PLA2R1: variants seen among roughly 807,000 people sequenced by gnomAD.
PLA2R1 encodes the protein phospholipase A2 receptor 1.
A neutral mutation model predicts 195.9 loss-of-function variants in PLA2R1; 158 were observed. That is an observed-to-expected ratio of 0.81 (90% CI 0.71 to 0.92). PLA2R1 has a LOEUF of 0.92. Among genes scored for constraint, PLA2R1 ranks in the 40% least tolerant of loss-of-function variants. PLA2R1 has a pLI of 0.00. For missense variants in PLA2R1, 1,626 were observed against 1,764.6 expected (o/e 0.92, Z 1.41); for synonymous variants, 586 against 598.2 (o/e 0.98, Z 0.30).
chr2:160,006,388 C>T (rs1301576993), intron 10 of PLA2R1, among the ~76,000 whole-genome samples: 4 of 152,190 alleles, frequency 2.6e-5, no homozygotes, highest in Non-Finnish European at 5.9e-5. Flanking sequence ...TCAGCTTATT[C>T]AAATGTGTTT....
chr2:159,944,625 G>T (rs1687270500), intron 28 of PLA2R1, among the ~76,000 whole-genome samples: 1 of 152,106 alleles, frequency 6.6e-6, no homozygotes. Context: ...AGTTCTATTT[G>T]CTTGAGGGAA....
At chr2:160,014,364 G>A (rs546221329) in intron 9 of PLA2R1, among the ~76,000 whole-genome samples, 24 of 151,734 alleles carry the variant, frequency 1.6e-4, no homozygotes, top group African/African-American at 5.3e-4. Flanking sequence ...TGGGAACAAC[G>A]AAGGGTGGCT....
rs776497352 is a variant in PLA2R1 at position 159,977,460 on chromosome 2, A to C, written c.2269-44T>G. ...ATTATTCCTTAATGATGATCCCCCC[A>C]CAAAGTTTCAAAAGATCAAAAAGGG... On this transcript the variant is annotated intron_variant, in intron 14 of 29. Transcript: ENST00000283243. The C allele has an allele frequency of 5.0e-6, 8 of 1,596,222 alleles. No individual in the cohort carries two copies. In the African/African-American group the frequency reaches 8.1e-5, roughly 16 times the overall value.
downstream of PLA2R1, among the ~76,000 whole-genome samples, chr2:159,930,711 C>A (rs7598738): frequency 0.6 from 91,696 of 152,028 alleles, 32,208 homozygotes; most frequent in Non-Finnish European, 0.78. Context: ...AATGATGTAT[C>A]CACCTCACCA....
chr2:159,945,993 C>A (rs1290509356), intron 27 of PLA2R1: 1 of 981,118 alleles, frequency 1.0e-6, no homozygotes, highest in Non-Finnish European at 1.2e-6. Flanking sequence ...GTCCTAACAT[C>A]TTCATCATTA....
At chr2:159,931,964 T>G (rs1223194587), downstream of PLA2R1, 2 of 152,230 alleles carry the variant, frequency 1.3e-5, no homozygotes, top group South Asian at 2.1e-4. Flanking sequence ...CCTGACCAAC[T>G]AAGTCAGATA....
chr2:159,927,474 C>T (rs1266611763), downstream of PLA2R1, among the ~76,000 whole-genome samples: 1 of 152,160 alleles, frequency 6.6e-6, no homozygotes, highest in Non-Finnish European at 1.5e-5. Flanking sequence ...TTCCTAAGAT[C>T]CATCAGTAAA....
chr2:160,050,714 G>A (rs1303978218), intron 1 of PLA2R1, among the ~76,000 whole-genome samples: 1 of 152,148 alleles, frequency 6.6e-6, no homozygotes, highest in Non-Finnish European at 1.5e-5. Context: ...TTCTCCCTGG[G>A]AATCCCTGAA....
chr2:160,005,717 G>A lies in PLA2R1; in HGVS notation c.1769C>T (p.Thr590Ile). ...GGGTTTCTGCCCTACTGGCTTCCAA[G>A]TGTATTCTCCCGTATCATTTTGGTC... is the stretch of plus-strand genomic sequence containing the variant. ...LQDQNDTGEY[T>I]WKPVGQKPEP... Residue 590 changes from threonine to isoleucine, a missense_variant, in exon 11 of 30, where the codon ACT (threonine) becomes ATT (isoleucine). By Grantham distance (89) the Thr-to-Ile change is moderately conservative. Transcript: ENST00000283243. 1.2e-6 allele frequency: 2 copies of A among 1,613,864 alleles called. No individual in the cohort carries two copies. Among genetic ancestry groups the A allele is most frequent in the Non-Finnish European group, 1.7e-6 (2 of 1,179,788 alleles).
intron 1 of PLA2R1, among the ~76,000 whole-genome samples, chr2:160,045,711 T>C (rs1456956441): frequency 6.6e-6 from 1 of 152,202 alleles, no homozygotes; most frequent in Non-Finnish European, 1.5e-5. Flanking sequence ...CAGAATACAA[T>C]GTTTCTCAGG....
chr2:159,929,760 A>G (rs6717742), downstream of PLA2R1, among the ~76,000 whole-genome samples: 7,924 of 152,196 alleles, frequency 0.052, 663 homozygotes, highest in African/African-American at 0.18. Flanking sequence ...CCAAATGCCC[A>G]TCAATCAATG....
rs1218330545 is a variant in PLA2R1 at position 159,976,110 on chromosome 2, A to G, written c.2553T>C (p.His851=). The change falls in exon 17 of 30, where the codon CAT becomes CAC. Residue 851 remains histidine, a synonymous_variant. Coordinates refer to ENST00000283243, the MANE Select transcript of PLA2R1 (RefSeq NM_007366.5). The part of the protein sequence containing the change: ...SWLHSDLLTI[H]SAHEQEFIHS... ...GGATGAATTCTTGCTCATGTGCAGA[A>G]TGAATTGTGAGAAGATCACTGTGCA... 6.2e-7 allele frequency: 1 copy of G among 1,613,322 alleles called. No individual in the cohort carries two copies. Among genetic ancestry groups the G allele is most frequent in the Non-Finnish European group, 8.5e-7 (1 of 1,179,482 alleles).
At chr2:159,987,562 A>G (rs527493884) in intron 11 of PLA2R1, among the ~76,000 whole-genome samples, 122 of 152,304 alleles carry the variant, frequency 8.0e-4, no homozygotes, top group African/African-American at 2.8e-3. Context: ...TGGGAAAGAG[A>G]GAAAAGAGAG....
Position 160,028,333 on chromosome 2 carries a change from A to T in PLA2R1, c.984T>A (p.Asp328Glu), listed in dbSNP as rs747277359. ...PEVNFEPFVE[D>E]HCGTFSSFMP... The stretch of plus-strand genomic sequence containing the variant: ...TAAATGAACTAAATGTTCCACAGTG[A>T]TCTTCAACAAATGGCTCAAAATTTA... The change falls in exon 6 of 30, where the codon GAT becomes GAA. Residue 328 changes from aspartate (D) to glutamate (E), a missense_variant. Coordinates refer to ENST00000283243, the MANE Select transcript of PLA2R1 (RefSeq NM_007366.5). The T allele has an allele frequency of 2.5e-6, 4 of 1,609,096 alleles. No homozygotes were observed. The highest frequency in any genetic ancestry group is 1.1e-5 in the South Asian group (1 of 90,214).
chr2:159,952,970 G>T (rs1194675221), intron 23 of PLA2R1, among the ~76,000 whole-genome samples: 1 of 152,026 alleles, frequency 6.6e-6, no homozygotes, highest in East Asian at 1.9e-4. Flanking sequence ...TTTGCTATTA[G>T]TCTGTGCCCA....
intron 29 of PLA2R1, 23 bp downstream of exon 29, chr2:159,942,104 G>A: frequency 6.2e-7 from 1 of 1,604,382 alleles, no homozygotes. Flanking sequence ...AAATCAAAAT[G>A]TTTTGTATGG....
intron 17 of PLA2R1, among the ~76,000 whole-genome samples, chr2:159,974,176 T>C (rs1471448260): frequency 1.3e-5 from 2 of 152,204 alleles, no homozygotes; most frequent in African/African-American, 4.8e-5. Context: ...ATTTTGGAAC[T>C]AGCTTTTGAT....
At chr2:160,050,753 C>G (rs1463785377) in intron 1 of PLA2R1, among the ~76,000 whole-genome samples, 3 of 152,100 alleles carry the variant, frequency 2.0e-5, no homozygotes, top group Non-Finnish European at 2.9e-5. Context: ...TACCCTAATG[C>G]CAAAATATAT....
At chr2:160,030,192 A>C (rs66667042) in intron 4 of PLA2R1, among the ~76,000 whole-genome samples, 53,760 of 152,122 alleles carry the variant, frequency 0.35, 11,826 homozygotes, top group Non-Finnish European at 0.5. Flanking sequence ...ACTCAAAGAA[A>C]CTAACCCATT....
Sources: allele counts gnomAD v4.1 joint callset (sites outside exome capture counted in the v4.1 genomes callset), GRCh38; gene constraint gnomAD v4.1.1; transcripts MANE v1.5; gene names NCBI Gene and HGNC (gene_info 2026-07-23, HGNC 2026-07-21).